GPR39: variants seen among roughly 807,000 people sequenced by gnomAD.
GPR39 encodes the protein zinc sensing receptor.
GPR39 carries 23 observed loss-of-function variants against 18.4 expected under a neutral mutation model. The observed-to-expected ratio is 1.25, with a 90% CI of 0.90 to 1.77. GPR39 has a LOEUF of 1.77. Among genes scored for constraint, GPR39 ranks in the 40% most tolerant of loss-of-function variants. The probability of loss-of-function intolerance (pLI) is 0.00; values close to 1 mark genes in which losing one functional copy is unlikely to be tolerated. For synonymous variants in GPR39, 280 were observed against 257.9 expected (o/e 1.09, Z -0.82); for missense variants, 647 against 602.4 (o/e 1.07, Z -0.78).
chr2:132,492,991 A>G (rs1681528346), intron 1 of GPR39, among the ~76,000 whole-genome samples: 1 of 140,942 alleles, frequency 7.1e-6, no homozygotes, highest in South Asian at 2.2e-4. Context: ...TATATACACC[A>G]TAGATATACC....
intron 1 of GPR39, among the ~76,000 whole-genome samples, chr2:132,578,973 T>A (rs1332446730): frequency 6.6e-6 from 1 of 151,798 alleles, no homozygotes; most frequent in Non-Finnish European, 1.5e-5. Flanking sequence ...ATTTCTTTCC[T>A]TCTGCTTGCT....
At chr2:132,491,811 G>A (rs1681466498) in intron 1 of GPR39, among the ~76,000 whole-genome samples, 1 of 151,824 alleles carries the variant, frequency 6.6e-6, no homozygotes, top group Admixed American at 6.6e-5. Context: ...TGTGACCTCA[G>A]GCAAGCCACA....
At chr2:132,585,588 G>A (rs1232324213) in intron 1 of GPR39, among the ~76,000 whole-genome samples, 1 of 152,206 alleles carries the variant, frequency 6.6e-6, no homozygotes, top group African/African-American at 2.4e-5. Flanking sequence ...AACCGCCGGC[G>A]CGGCTCCACG....
At chr2:132,451,277 A>G (rs1680629123) in intron 1 of GPR39, among the ~76,000 whole-genome samples, 2 of 151,716 alleles carry the variant, frequency 1.3e-5, no homozygotes, top group South Asian at 4.2e-4. Flanking sequence ...ATTACTCTCT[A>G]TTTCCACTCT....
At chr2:132,499,432 C>G (rs746245599) in intron 1 of GPR39, among the ~76,000 whole-genome samples, 53 of 152,052 alleles carry the variant, frequency 3.5e-4, no homozygotes, top group Non-Finnish European at 5.9e-4. Context: ...TATACCAGTT[C>G]CATGCTGTTT....
intron 1 of GPR39, among the ~76,000 whole-genome samples, chr2:132,544,452 C>T (rs1380489887): frequency 6.6e-6 from 1 of 152,212 alleles, no homozygotes; most frequent in East Asian, 1.9e-4. Flanking sequence ...GTCATCTCAG[C>T]TCTCCACATG....
At chr2:132,513,509 A>C (rs1467573807) in intron 1 of GPR39, among the ~76,000 whole-genome samples, 1 of 151,990 alleles carries the variant, frequency 6.6e-6, no homozygotes, top group Non-Finnish European at 1.5e-5. Flanking sequence ...CTGGAGTAGC[A>C]GGTGTGTCCA....
At chr2:132,445,971 C>T (rs1389601469) in intron 1 of GPR39, among the ~76,000 whole-genome samples, 4 of 152,002 alleles carry the variant, frequency 2.6e-5, no homozygotes, top group Non-Finnish European at 2.9e-5. Context: ...CAGGAGACCT[C>T]GCAGGAGAAA....
At chr2:132,625,771 C>T (rs1305084826) in intron 1 of GPR39, among the ~76,000 whole-genome samples, 1 of 152,184 alleles carries the variant, frequency 6.6e-6, no homozygotes, top group Non-Finnish European at 1.5e-5. Flanking sequence ...CATTAACCTT[C>T]TGACATTTTA....
rs551296140 is a variant in GPR39, at chr2:132,490,010, A to G, written c.856+72112A>G. Among the ~76,000 whole-genome samples, 156 of 151,734 alleles carry G rather than the reference A, an allele frequency of 1.0e-3. 1 individual carries two copies. The highest frequency in any genetic ancestry group is 3.6e-3 in the African/African-American group (150 of 41,188). ...AATCCTCACCAGGTAGTCCCCAGGC[A>G]CCTGGCATGTGGCACCGTGCTTGCT... On this transcript the variant is annotated intron_variant, in intron 1 of 1. Coordinates refer to ENST00000329321, the MANE Select transcript of GPR39 (RefSeq NM_001508.3).
chr2:132,473,036 G>A (rs1681062448), intron 1 of GPR39, among the ~76,000 whole-genome samples: 1 of 152,036 alleles, frequency 6.6e-6, no homozygotes, highest in Non-Finnish European at 1.5e-5. Flanking sequence ...TGGGCAGCTT[G>A]TGCCACTGCC....
chr2:132,516,369 T>C (rs549866939), intron 1 of GPR39, among the ~76,000 whole-genome samples: 3 of 152,228 alleles, frequency 2.0e-5, no homozygotes, highest in Admixed American at 1.3e-4. Flanking sequence ...GATGGAATGG[T>C]CCACAATATG....
At chr2:132,554,658 A>G (rs1488966546) in intron 1 of GPR39, among the ~76,000 whole-genome samples, 4 of 152,202 alleles carry the variant, frequency 2.6e-5, no homozygotes, top group Non-Finnish European at 5.9e-5. Flanking sequence ...AAGCCAAGGA[A>G]GTATGTCATA....
intron 1 of GPR39, among the ~76,000 whole-genome samples, chr2:132,597,444 G>A (rs1291311641): frequency 6.6e-6 from 1 of 152,218 alleles, no homozygotes; most frequent in Non-Finnish European, 1.5e-5. Context: ...TTCCTTGACA[G>A]TCTCTTCACT....
chr2:132,585,948 GTTTTTTTTTTT>G lies in GPR39; in HGVS notation c.857-59139_857-59129del, dbSNP rs397985921. Among the ~76,000 whole-genome samples the G allele has an allele frequency of 1.4e-4, 9 of 62,958 alleles. 1 individual carries two copies. The highest frequency in any genetic ancestry group is 8.4e-4 in the South Asian group (1 of 1,184). The allele number at this position is 62,958 out of a possible 152,430, so 41.3% of individuals were successfully genotyped here. On this transcript the variant is annotated intron_variant, in intron 1 of 1. Coordinates refer to ENST00000329321, the MANE Select transcript of GPR39 (RefSeq NM_001508.3). ...GATCGGGCTTCTCGAAGCATCCCCG[GTTTTTTTTTTT>G]TTTTTTTTTTTTTAATGCCCCACTC...
chr2:132,585,948 GTTTTTTTTT>G (rs397985921), intron 1 of GPR39, among the ~76,000 whole-genome samples: 3 of 62,974 alleles, frequency 4.8e-5, no homozygotes, highest in African/African-American at 7.3e-5. Context: ...AGCATCCCCG[GTTTTTTTTT>G]TTTTTTTTTT....
chr2:132,492,911 CATATACCAT>C (rs1558814812), intron 1 of GPR39, among the ~76,000 whole-genome samples: 1 of 132,648 alleles, frequency 7.5e-6, no homozygotes, highest in African/African-American at 2.9e-5. Context: ...ATATATACAC[CATATACCAT>C]ATATATACAC....
intron 1 of GPR39, among the ~76,000 whole-genome samples, chr2:132,564,829 T>TTTTTTTTTTTG (rs1453758658): frequency 7.0e-6 from 1 of 142,008 alleles, no homozygotes; most frequent in Non-Finnish European, 1.5e-5. Context: ...TTTTTTTTTT[T>TTTTTTTTTTTG]TTGTTGAGAC....
At chr2:132,634,181 G>A (rs1383000216) in intron 1 of GPR39, among the ~76,000 whole-genome samples, 3 of 152,054 alleles carry the variant, frequency 2.0e-5, no homozygotes, top group Non-Finnish European at 2.9e-5. Context: ...TAGTGGTGGT[G>A]GTACTGGTAG....
Sources: gnomAD v4.1 joint callset for allele counts (sites outside exome capture counted in the v4.1 genomes callset) on GRCh38, gnomAD v4.1.1 for gene constraint, MANE v1.5 for transcripts, NCBI Gene and HGNC (gene_info 2026-07-23, HGNC 2026-07-21) for gene names.